RNF180: variants seen among roughly 807,000 people sequenced by gnomAD.
RNF180 encodes E3 ubiquitin-protein ligase RNF180.
A neutral mutation model predicts 59.2 loss-of-function variants in RNF180; 38 were observed. The ratio of observed to expected loss-of-function variants is 0.64; its 90% CI spans 0.50 to 0.84. The LOEUF (loss-of-function observed/expected upper bound fraction) is 0.84. RNF180 is among the 40% of genes least tolerant of loss of function. The pLI is 0.00. For synonymous variants in RNF180, 262 were observed against 240.3 expected (o/e 1.09, Z -0.84); for missense variants, 705 against 700.9 (o/e 1.01, Z -0.07).
At chr5:64,287,176 G>A (rs959652143) in intron 5 of RNF180, among the ~76,000 whole-genome samples, 5 of 151,826 alleles carry the variant, frequency 3.3e-5, no homozygotes, top group East Asian at 3.9e-4. Flanking sequence ...CATCTTGGCC[G>A]GGCTGGTCTC....
intron 5 of RNF180, among the ~76,000 whole-genome samples, chr5:64,232,047 C>A (rs1742131570): frequency 6.6e-6 from 1 of 152,200 alleles, no homozygotes; most frequent in Admixed American, 6.5e-5. Context: ...GCTTGATTGG[C>A]ACCTAATAGT....
Position 64,217,360 on chromosome 5 carries a change from G to A in RNF180, c.1192-1G>A. The A allele has an allele frequency of 7.1e-7, 1 of 1,403,664 alleles. No homozygotes were observed. The highest frequency in any genetic ancestry group is 9.3e-7 in the Non-Finnish European group (1 of 1,074,490). The allele number at this position is 1,403,664 out of a possible 1,614,324, so 87.0% of individuals were successfully genotyped here. On this transcript the variant is annotated splice_acceptor_variant, in intron 4 of 7. Coordinates refer to ENST00000389100, the MANE Select transcript of RNF180 (RefSeq NM_001113561.2). LOFTEE classifies it high-confidence loss of function. The stretch of plus-strand genomic sequence containing the variant: ...GTGAACCTAATTTTTTATTTCTCTA[G>A]GGTAAATACTCAGGAGTGGGATTGC...
At chr5:64,364,366 A>G (rs1036118770) in intron 7 of RNF180, among the ~76,000 whole-genome samples, 4 of 151,748 alleles carry the variant, frequency 2.6e-5, no homozygotes, top group East Asian at 1.9e-4. Flanking sequence ...TTATGTGACA[A>G]ATCACATTTA....
At chr5:64,306,662 A>G (rs932927784) in intron 5 of RNF180, among the ~76,000 whole-genome samples, 6 of 151,788 alleles carry the variant, frequency 4.0e-5, no homozygotes, top group Non-Finnish European at 8.8e-5. Flanking sequence ...TGATGAGTTC[A>G]TGTCCTTTGT....
chr5:64,298,808 G>T lies in RNF180; in HGVS notation c.1228-26378G>T, dbSNP rs141604706. 2.1e-3 allele frequency among the ~76,000 whole-genome samples: 321 copies of T among 152,150 alleles called. 1 individual carries two copies. The highest frequency in any genetic ancestry group is 7.5e-3 in the African/African-American group (312 of 41,532). ...GACAGCATTTATAGAAAGTGGAAGT[G>T]CAGTGCAGAGACAACTTTATTGGTT... On this transcript the variant is annotated intron_variant, in intron 5 of 7. Coordinates refer to ENST00000389100, the MANE Select transcript of RNF180 (RefSeq NM_001113561.2).
intron 7 of RNF180, among the ~76,000 whole-genome samples, chr5:64,362,156 G>T (rs999618448): frequency 5.3e-5 from 8 of 151,464 alleles, no homozygotes; most frequent in African/African-American, 1.9e-4. Flanking sequence ...CATGTCACAA[G>T]GATTTGATAT....
intron 5 of RNF180, among the ~76,000 whole-genome samples, chr5:64,221,096 A>G (rs1741303761): frequency 6.6e-6 from 1 of 152,064 alleles, no homozygotes; most frequent in South Asian, 2.1e-4. Flanking sequence ...AAAGGAGCCC[A>G]TTTAATATTT....
At chr5:64,211,522 G>A (rs1452755693) in intron 2 of RNF180, among the ~76,000 whole-genome samples, 1 of 152,134 alleles carries the variant, frequency 6.6e-6, no homozygotes, top group Non-Finnish European at 1.5e-5. Flanking sequence ...CAGGCGAAAA[G>A]GGCAGGGGGA....
chr5:64,262,876 G>A (rs1744426566), intron 5 of RNF180, among the ~76,000 whole-genome samples: 1 of 152,066 alleles, frequency 6.6e-6, no homozygotes. Context: ...GTGGTATACT[G>A]ACAGTGATGT....
At chr5:64,314,955 A>G (rs1229575548) in intron 5 of RNF180, among the ~76,000 whole-genome samples, 2 of 152,328 alleles carry the variant, frequency 1.3e-5, no homozygotes, top group Middle Eastern at 3.4e-3. Context: ...GCTAGTTGCA[A>G]TGTAGTCTTG....
chr5:64,286,647 T>C (rs1742304021), intron 5 of RNF180, among the ~76,000 whole-genome samples: 1 of 152,254 alleles, frequency 6.6e-6, no homozygotes, highest in Admixed American at 6.5e-5. Context: ...ATCTTTTCCA[T>C]TGTGCGAAGC....
At chr5:64,275,082 A>C (rs1389290572) in intron 5 of RNF180, among the ~76,000 whole-genome samples, 1 of 151,894 alleles carries the variant, frequency 6.6e-6, no homozygotes, top group Non-Finnish European at 1.5e-5. Context: ...GACTAGAATT[A>C]CAAATTCTTT....
chr5:64,268,961 A>G (rs1344839561), intron 5 of RNF180, among the ~76,000 whole-genome samples: 2 of 151,606 alleles, frequency 1.3e-5, no homozygotes, highest in Non-Finnish European at 2.9e-5. Context: ...CCTCTTACTT[A>G]TTACTTCTAA....
chr5:64,340,628 G>C (rs1745320846), intron 7 of RNF180, among the ~76,000 whole-genome samples: 1 of 152,152 alleles, frequency 6.6e-6, no homozygotes, highest in Non-Finnish European at 1.5e-5. Context: ...CTGCCTTGGA[G>C]CTGAAAGGTA....
intron 7 of RNF180, among the ~76,000 whole-genome samples, chr5:64,359,775 C>T (rs1255166812): frequency 4.6e-5 from 7 of 151,942 alleles, no homozygotes; most frequent in Non-Finnish European, 1.0e-4. Flanking sequence ...TTAGGTCCAA[C>T]GTTTAAGTCT....
intron 1 of RNF180, among the ~76,000 whole-genome samples, chr5:64,190,897 G>T (rs1465502403): frequency 6.6e-6 from 1 of 152,054 alleles, no homozygotes; most frequent in Non-Finnish European, 1.5e-5. Flanking sequence ...TGTTGTTTAA[G>T]CCCCCTAGTC....
At chr5:64,181,699 CTG>C (rs1226312533) in intron 1 of RNF180, among the ~76,000 whole-genome samples, 1 of 152,116 alleles carries the variant, frequency 6.6e-6, no homozygotes, top group African/African-American at 2.4e-5. Context: ...GCAGATCTCT[CTG>C]TAATCTCGCT....
At chr5:64,252,956 C>T (rs965143099) in intron 5 of RNF180, among the ~76,000 whole-genome samples, 1 of 151,964 alleles carries the variant, frequency 6.6e-6, no homozygotes, top group African/African-American at 2.4e-5. Context: ...CAAATGACCT[C>T]ATTCATGTTT....
At chr5:64,222,306 C>CT (rs1554033208) in intron 5 of RNF180, among the ~76,000 whole-genome samples, 1 of 151,924 alleles carries the variant, frequency 6.6e-6, no homozygotes, top group South Asian at 2.1e-4. Flanking sequence ...TTTAATTATA[C>CT]TTTAAGTTTT....
Sources: allele counts gnomAD v4.1 joint callset (sites outside exome capture counted in the v4.1 genomes callset), GRCh38; gene constraint gnomAD v4.1.1; transcripts MANE v1.5; gene names NCBI Gene and HGNC (gene_info 2026-07-23, HGNC 2026-07-21).